SAMHD1: variants seen among roughly 807,000 people sequenced by gnomAD.
The protein encoded by SAMHD1 is deoxynucleoside triphosphate triphosphohydrolase SAMHD1.
In SAMHD1, 54 loss-of-function variants were observed where a neutral mutation model predicts 79.6. The observed-to-expected ratio is 0.68, with a 90% CI of 0.55 to 0.85. The LOEUF (loss-of-function observed/expected upper bound fraction) is 0.85. Among genes scored for constraint, SAMHD1 ranks in the 40% least tolerant of loss-of-function variants. The pLI is 0.00. For synonymous variants in SAMHD1, 260 were observed against 264.1 expected (o/e 0.98, Z 0.15); for missense variants, 663 against 782.7 (o/e 0.85, Z 1.82).
intron 15 of SAMHD1, chr20:36,894,155 T>A: frequency 2.6e-6 from 1 of 391,816 alleles, no homozygotes; most frequent in East Asian, 3.6e-5. Context: ...AACTTTTGTA[T>A]CTCACCCCCA....
At chr20:36,890,093 C>T (rs1457812340), downstream of SAMHD1, 2 of 152,212 alleles carry the variant, frequency 1.3e-5, no homozygotes, top group East Asian at 3.8e-4. Context: ...GCCTTTTTGT[C>T]TGCCACCAGT....
Position 36,904,577 on chromosome 20 carries a change from C to T in SAMHD1, c.1411-328G>A, listed in dbSNP as rs572640207. On this transcript the variant is annotated intron_variant, in intron 12 of 15. Coordinates refer to ENST00000646673, the MANE Select transcript of SAMHD1 (RefSeq NM_015474.4). ...ACTAAAAATACAAAAATTAGCTGGG[C>T]GTGGTGGCGGGTGCCTGTAATCCCA... 319 of 334,300 alleles carry T rather than the reference C, an allele frequency of 9.5e-4. 1 individual carries two copies. The highest frequency in any genetic ancestry group is 1.6e-3 in the Non-Finnish European group (268 of 172,094). 20.7% of individuals were successfully genotyped at this position (334,300 alleles called of 1,614,324 possible).
chr20:36,944,220 GCCAGTAGTC>G (rs1568783908), intron 2 of SAMHD1, among the ~76,000 whole-genome samples: 1 of 150,894 alleles, frequency 6.6e-6, no homozygotes, highest in East Asian at 2.0e-4. Context: ...GGTGGCACAT[GCCAGTAGTC>G]CCAGCTACTT....
intron 12 of SAMHD1, chr20:36,904,578 G>C (rs759978687): frequency 6.0e-6 from 2 of 335,554 alleles, no homozygotes; most frequent in East Asian, 7.8e-5. Flanking sequence ...TTAGCTGGGC[G>C]TGGTGGCGGG....
chr20:36,906,427 C>T (rs2063405753), intron 11 of SAMHD1, among the ~76,000 whole-genome samples: 1 of 151,990 alleles, frequency 6.6e-6, no homozygotes, highest in African/African-American at 2.4e-5. Flanking sequence ...GACAGAGTGA[C>T]ACTATCTAAA....
chr20:36,930,890 C>T lies in SAMHD1; in HGVS notation c.510-15G>A. ...GATACCCCACCCTGCAGAGCAAAAA[C>T]ACAAAAAGTCACTTTTCTGTTTGCA... On this transcript the variant is annotated splice_polypyrimidine_tract_variant and intron_variant, in intron 4 of 15. Coordinates refer to ENST00000646673, the MANE Select transcript of SAMHD1 (RefSeq NM_015474.4). 6.4e-7 allele frequency: 1 copy of T among 1,551,200 alleles called. No homozygotes were observed. The highest frequency in any genetic ancestry group is 8.9e-7 in the Non-Finnish European group (1 of 1,123,124).
Position 36,892,835 on chromosome 20 carries a change from A to C in SAMHD1, c.*97T>G, listed in dbSNP as rs1352840716. The stretch of plus-strand genomic sequence containing the variant: ...GCGTGTACATTCAAAATACAAAATT[A>C]AAGCATGAGTTGTCATTAATTTGCA... On this transcript the variant is annotated 3_prime_UTR_variant, in exon 16 of 16. Coordinates refer to ENST00000646673, the MANE Select transcript of SAMHD1 (RefSeq NM_015474.4). 6 of 1,491,252 alleles carry C rather than the reference A, an allele frequency of 4.0e-6. No homozygotes were observed. Among genetic ancestry groups the C allele is most frequent in the Admixed American group, 1.7e-5 (1 of 59,886 alleles). 92.4% of individuals were successfully genotyped at this position (1,491,252 alleles called of 1,614,324 possible).
rs546930607 is a variant in SAMHD1 at position 36,912,534 on chromosome 20, C to T, written c.1081G>A (p.Asp361Asn). 1 of 1,612,276 alleles carries T rather than the reference C, an allele frequency of 6.2e-7. No homozygotes were observed. Among genetic ancestry groups the T allele is most frequent in the South Asian group, 1.1e-5 (1 of 91,022 alleles). ...ARDKEVGNLY[D>N]MFHTRNSLHR... ...AAAGAGTTGCGAGTGTGGAACATGT[C>T]ATACAGATTTCCAACTTCCTGCAGG... Residue 361 changes from aspartate (D) to asparagine (N), a missense_variant, in exon 10 of 16, where the codon GAC (aspartate) becomes AAC (asparagine). Physicochemically the swap from Asp to Asn is conservative, Grantham distance 23 (BLOSUM62 1). Transcript: ENST00000646673.
In SAMHD1 at chr20:36,899,828, G is replaced by A. The variant is rs560143678; in HGVS notation, c.1504-1284C>T. On this transcript the variant is annotated intron_variant, in intron 13 of 15. Transcript: ENST00000646673. ...AAACAAAAATGTAAGAGGCGCAATG[G>A]CTCACGCCTGTAATCCCAGCACTTT... Among the ~76,000 whole-genome samples, 14 of 152,270 alleles carry A rather than the reference G, an allele frequency of 9.2e-5. No homozygotes were observed. In the South Asian group the frequency reaches 2.7e-3, roughly 29 times the overall value.
Position 36,911,286 on chromosome 20 carries a change from C to A in SAMHD1, c.1202G>T (p.Gly401Val), listed in dbSNP as rs765846187. Residue 401 changes from glycine (G) to valine (V), a missense_variant, in exon 11 of 16, where the codon GGT (glycine) becomes GTT (valine). Gly to Val is a moderately radical substitution (Grantham distance 109). Coordinates refer to ENST00000646673, the MANE Select transcript of SAMHD1 (RefSeq NM_015474.4). ...LKADDYIEIT[G>V]AGGKKYRIST... ...AATGCGATACTTTTTTCCTCCAGCACCTGTAATCTCTATGTAGTCATCTGC... is the reference window on the plus strand; with the variant it reads ...AATGCGATACTTTTTTCCTCCAGCAACTGTAATCTCTATGTAGTCATCTGC... 1 of 1,613,026 alleles carries A rather than the reference C, an allele frequency of 6.2e-7. No homozygotes were observed.
At chr20:36,927,599 G>C (rs1480917016) in intron 5 of SAMHD1, among the ~76,000 whole-genome samples, 2 of 152,126 alleles carry the variant, frequency 1.3e-5, no homozygotes, top group Non-Finnish European at 2.9e-5. Context: ...TTACAGGCGT[G>C]AGCCACCACA....
intron 4 of SAMHD1, 168 bp downstream of exon 4, chr20:36,934,861 T>C: frequency 1.8e-5 from 11 of 620,882 alleles, no homozygotes; most frequent in Non-Finnish European, 2.6e-5. Context: ...TTTCACAATG[T>C]TGGCCAGGCT....
intron 6 of SAMHD1, chr20:36,926,816 T>C (rs530786400): frequency 4.1e-5 from 7 of 172,152 alleles, no homozygotes; most frequent in Non-Finnish European, 7.5e-5. Flanking sequence ...ATACCAAATG[T>C]GTCAAAACTG....
intron 4 of SAMHD1, among the ~76,000 whole-genome samples, chr20:36,932,085 G>A (rs2063571132): frequency 6.6e-6 from 1 of 152,008 alleles, no homozygotes; most frequent in Admixed American, 6.6e-5. Flanking sequence ...TTCAAGAACA[G>A]CCTGGCCAAT....
chr20:36,905,691 C>A (rs1334855054), intron 11 of SAMHD1, among the ~76,000 whole-genome samples, 188 bp from the exon 12 acceptor site: 1 of 152,142 alleles, frequency 6.6e-6, no homozygotes, highest in Non-Finnish European at 1.5e-5. Context: ...TTCCAGTCGG[C>A]CAGTCATAGT....
rs939214507 is a variant in SAMHD1, at chr20:36,934,007, T to C, written c.509+1022A>G. 5.3e-4 allele frequency among the ~76,000 whole-genome samples: 81 copies of C among 151,510 alleles called. 1 individual carries two copies. The highest frequency in any genetic ancestry group is 1.8e-3 in the African/African-American group (73 of 41,336). On this transcript the variant is annotated intron_variant, in intron 4 of 15. Coordinates refer to ENST00000646673, the MANE Select transcript of SAMHD1 (RefSeq NM_015474.4). ...GTTGCAGTGAGCTGAGATCGTGCCA[T>C]TGCACTCCAGCCTGGGCGACGGAGT...
rs1990033302 is a variant in SAMHD1, at chr20:36,890,395, T to TCC, written c.*2536_*2537insGG. ...TATACAAATAGCAAAGATATTTCTT[T>TCC]CTCTTTCTTTCTTTCTTTCTTTCTT... On this transcript the variant is annotated 3_prime_UTR_variant, in exon 16 of 16. Transcript: ENST00000646673. 1 of 87,366 alleles carries TCC rather than the reference T, an allele frequency of 1.1e-5. No individual in the cohort carries two copies. 5.4% of individuals were successfully genotyped at this position (87,366 alleles called of 1,614,324 possible). A position where few individuals can be genotyped will look rare whatever the true frequency, so the allele number is the denominator to read the frequency against.
chr20:36,948,986 C>T (rs1255759683), intron 1 of SAMHD1, among the ~76,000 whole-genome samples: 7 of 151,850 alleles, frequency 4.6e-5, no homozygotes, highest in East Asian at 1.9e-4. Flanking sequence ...ATAGGCCGGC[C>T]GGGCGCGGTG....
chr20:36,890,340 T>C lies in SAMHD1; in HGVS notation c.*2592A>G, dbSNP rs1990030536. 1 of 150,682 alleles carries C rather than the reference T, an allele frequency of 6.6e-6. No homozygotes were observed. The highest frequency in any genetic ancestry group is 1.5e-5 in the Non-Finnish European group (1 of 67,534). 9.3% of individuals were successfully genotyped at this position (150,682 alleles called of 1,614,324 possible). On this transcript the variant is annotated 3_prime_UTR_variant, in exon 16 of 16. Transcript: ENST00000646673. ...AAGGTAACCACGTTCAGTAACTCTC[T>C]AGAGGCTAAGCTGTTAAAATTTCCA...
Sources: gnomAD v4.1 joint callset for allele counts (sites outside exome capture counted in the v4.1 genomes callset) on GRCh38, gnomAD v4.1.1 for gene constraint, MANE v1.5 for transcripts, NCBI Gene and HGNC (gene_info 2026-07-23, HGNC 2026-07-21) for gene names.